STPG2: variants seen among roughly 807,000 people sequenced by gnomAD.
STPG2 encodes sperm tail PG-rich repeat containing 2, also known as sperm-tail PG-rich repeat-containing protein 2.
In STPG2, 56 loss-of-function variants were observed where a neutral mutation model predicts 54.2. The observed-to-expected ratio is 1.03, with a 90% CI of 0.83 to 1.29. STPG2 has a LOEUF of 1.29. Ranked by LOEUF, STPG2 falls within the 50% of genes most tolerant of loss-of-function variation. STPG2 has a pLI of 0.00. For synonymous variants in STPG2, 200 were observed against 181.8 expected, an observed-to-expected ratio of 1.10 and a Z score of -0.81; for missense variants, 596 against 544.9, an observed-to-expected ratio of 1.09 and a Z score of -0.93.
chr4:97,917,077 C>T (rs1731907917), intron 8 of STPG2: 1 of 152,616 alleles, frequency 6.6e-6, no homozygotes, highest in Admixed American at 6.5e-5. Context: ...ATGCCAATAA[C>T]TCTATCTCCC....
At chr4:97,767,086 T>C (rs1367372721) in intron 9 of STPG2, among the ~76,000 whole-genome samples, 2 of 152,130 alleles carry the variant, frequency 1.3e-5, no homozygotes, top group African/African-American at 4.8e-5. Context: ...AGAAAACTTT[T>C]TGGCATCAAA....
chr4:97,594,513 C>T (rs186289189), intron 10 of STPG2, among the ~76,000 whole-genome samples: 88 of 152,290 alleles, frequency 5.8e-4, no homozygotes, highest in Middle Eastern at 3.4e-3. Flanking sequence ...GAGACCAAAT[C>T]TACATCTCAC....
At chr4:97,577,978 C>G (rs1312000310) in intron 10 of STPG2, among the ~76,000 whole-genome samples, 3 of 151,968 alleles carry the variant, frequency 2.0e-5, no homozygotes, top group Non-Finnish European at 2.9e-5. Flanking sequence ...AGACATATAT[C>G]CATTTTCAGA....
intron 8 of STPG2, among the ~76,000 whole-genome samples, chr4:97,881,024 G>A (rs1172334243): frequency 6.6e-6 from 1 of 151,660 alleles, no homozygotes; most frequent in Non-Finnish European, 1.5e-5. Context: ...GCAAAACTGA[G>A]AAGATAACAG....
chr4:97,708,115 G>A (rs780461895), intron 10 of STPG2, among the ~76,000 whole-genome samples: 12 of 151,748 alleles, frequency 7.9e-5, no homozygotes, highest in African/African-American at 2.4e-5. Flanking sequence ...TTTGATACAC[G>A]GCAAAAACAA....
At chr4:98,016,771 T>A (rs151327603) in intron 5 of STPG2, among the ~76,000 whole-genome samples, 302 of 152,322 alleles carry the variant, frequency 2.0e-3, no homozygotes, top group African/African-American at 7.1e-3. Flanking sequence ...TTCATTAGGG[T>A]TAGTTCCTGA....
At chr4:98,124,682 ACTGGGGTTCT>A (rs1435853216) in intron 3 of STPG2, among the ~76,000 whole-genome samples, 1 of 152,046 alleles carries the variant, frequency 6.6e-6, no homozygotes, top group Non-Finnish European at 1.5e-5. Flanking sequence ...GTAGTATCTT[ACTGGGGTTCT>A]CTGGATTTCC....
At chr4:97,921,338 C>T (rs1005497401) in intron 8 of STPG2, among the ~76,000 whole-genome samples, 8 of 152,058 alleles carry the variant, frequency 5.3e-5, no homozygotes, top group African/African-American at 1.2e-4. Flanking sequence ...TCCAAAGTGG[C>T]CTGACAAGTC....
chr4:97,480,025 A>T (rs913935590), intron 4 of STPG2, among the ~76,000 whole-genome samples: 1 of 151,826 alleles, frequency 6.6e-6, no homozygotes. Flanking sequence ...TAGCAAGTTA[A>T]ATGAAACTGG....
intron 9 of STPG2, among the ~76,000 whole-genome samples, chr4:97,761,579 T>C (rs1327030730): frequency 6.6e-6 from 1 of 152,180 alleles, no homozygotes; most frequent in Admixed American, 6.5e-5. Flanking sequence ...TGGTACTTAG[T>C]TATGGCAGCC....
intron 9 of STPG2, among the ~76,000 whole-genome samples, chr4:97,748,456 T>C (rs540522295): frequency 2.6e-5 from 4 of 151,646 alleles, no homozygotes; most frequent in East Asian, 3.9e-4. Context: ...ACCCAAAGCT[T>C]TCTCACAAGA....
intron 10 of STPG2, among the ~76,000 whole-genome samples, chr4:97,583,983 T>C (rs942105149): frequency 1.3e-5 from 2 of 151,170 alleles, no homozygotes; most frequent in Non-Finnish European, 3.0e-5. Flanking sequence ...CAAGATAGAG[T>C]GTCAACAAAG....
At chr4:97,681,642 C>T (rs1193178171) in intron 10 of STPG2, among the ~76,000 whole-genome samples, 1 of 151,766 alleles carries the variant, frequency 6.6e-6, no homozygotes. Flanking sequence ...AAAGACATGA[C>T]TTTTGTTTTT....
chr4:97,535,700 A>G (rs944247747), intron 4 of STPG2, among the ~76,000 whole-genome samples: 7 of 152,144 alleles, frequency 4.6e-5, no homozygotes, highest in Admixed American at 1.3e-4. Context: ...TAAAATAATT[A>G]TCATGCACTT....
At chr4:98,010,486 C>T (rs1039295759) in intron 5 of STPG2, among the ~76,000 whole-genome samples, 10 of 152,114 alleles carry the variant, frequency 6.6e-5, no homozygotes, top group Non-Finnish European at 1.0e-4. Context: ...TACTTTCCAA[C>T]GCTTCCCATT....
Position 97,817,172 on chromosome 4 carries a change from T to C in STPG2, c.1204+23601A>G, listed in dbSNP as rs1578590378. Among the ~76,000 whole-genome samples, 4 of 150,020 alleles carry C rather than the reference T, an allele frequency of 2.7e-5. No homozygotes were observed. The South Asian group carries it at 8.3e-4, about 31-fold the overall frequency. On this transcript the variant is annotated intron_variant, in intron 9 of 10. Transcript: ENST00000295268. ...TTTAGCAAGTTATGTAACTTCCCTA[T>C]GATTCAGTTATCTTTTCTGTAAAGC... is the stretch of plus-strand genomic sequence containing the variant.
At chr4:97,924,991 C>A (rs1017923606) in intron 8 of STPG2, among the ~76,000 whole-genome samples, 1 of 152,142 alleles carries the variant, frequency 6.6e-6, no homozygotes, top group Non-Finnish European at 1.5e-5. Flanking sequence ...TGTTGTTGTT[C>A]ATTCTAAATG....
chr4:97,592,583 G>C (rs191686094), intron 10 of STPG2, among the ~76,000 whole-genome samples: 37 of 152,194 alleles, frequency 2.4e-4, no homozygotes, highest in African/African-American at 8.4e-4. Flanking sequence ...CTCCCACTAA[G>C]AGACCTGAAC....
intron 8 of STPG2, among the ~76,000 whole-genome samples, chr4:97,921,375 T>C (rs1732100849): frequency 6.6e-6 from 1 of 151,838 alleles, no homozygotes; most frequent in Admixed American, 6.6e-5. Flanking sequence ...GAAAATTCAG[T>C]GATCTACAAG....
Sources: allele counts gnomAD v4.1 joint callset (sites outside exome capture counted in the v4.1 genomes callset), GRCh38; gene constraint gnomAD v4.1.1; transcripts MANE v1.5; gene names NCBI Gene and HGNC (gene_info 2026-07-23, HGNC 2026-07-21).